The following SLC25A48 variants were observed in gnomAD, a reference collection of about 807,000 sequenced individuals.
SLC25A48 encodes the protein solute carrier family 25 member 48.
A neutral mutation model predicts 32.2 loss-of-function variants in SLC25A48; 29 were observed. The ratio of observed to expected loss-of-function variants is 0.90; its 90% CI spans 0.67 to 1.23. The LOEUF (loss-of-function observed/expected upper bound fraction) is 1.23. Among genes scored for constraint, SLC25A48 ranks in the 50% most tolerant of loss-of-function variants. The pLI is 0.00. For synonymous variants in SLC25A48, 164 were observed against 172.3 expected (o/e 0.95, Z 0.38); for missense variants, 399 against 422.7 (o/e 0.94, Z 0.49).
chr5:135,791,114 G>A (rs1287542215), intron 3 of SLC25A48, among the ~76,000 whole-genome samples: 1 of 151,808 alleles, frequency 6.6e-6, no homozygotes, highest in Non-Finnish European at 1.5e-5. Flanking sequence ...TACAGCCTGT[G>A]TGTACAACCT....
chr5:135,742,943 A>T (rs1755532647), intron 3 of SLC25A48, among the ~76,000 whole-genome samples: 1 of 37,944 alleles, frequency 2.6e-5, no homozygotes, highest in African/African-American at 1.1e-4. Context: ...GACATTTAGA[A>T]ATGTCTGGAG....
intron 3 of SLC25A48, among the ~76,000 whole-genome samples, chr5:135,773,354 T>A (rs1756464684): frequency 6.6e-6 from 1 of 151,406 alleles, no homozygotes; most frequent in Admixed American, 6.6e-5. Flanking sequence ...TTGGATATTA[T>A]GAACAATATC....
intron 3 of SLC25A48, among the ~76,000 whole-genome samples, chr5:135,729,302 C>G (rs1755171102): frequency 1.3e-5 from 2 of 151,770 alleles, no homozygotes; most frequent in South Asian, 4.2e-4. Flanking sequence ...TGAATATGTT[C>G]AAGGGATTTA....
At chr5:135,772,126 A>G (rs766660644) in intron 3 of SLC25A48, among the ~76,000 whole-genome samples, 1 of 151,386 alleles carries the variant, frequency 6.6e-6, no homozygotes, top group Non-Finnish European at 1.5e-5. Flanking sequence ...AAAAAATAAT[A>G]TTACTCCCAG....
chr5:135,664,755 T>C (rs1299369415), intron 3 of SLC25A48, among the ~76,000 whole-genome samples: 1 of 152,212 alleles, frequency 6.6e-6, no homozygotes, highest in African/African-American at 2.4e-5. Context: ...GCAAAAGACA[T>C]TATTTTTTTT....
intron 3 of SLC25A48, among the ~76,000 whole-genome samples, chr5:135,792,454 C>T (rs963329658): frequency 6.6e-6 from 1 of 151,498 alleles, no homozygotes; most frequent in African/African-American, 2.4e-5. Context: ...TGTACAATCC[C>T]GGTTATATTA....
At chr5:135,820,585 T>TA (rs1178495700) in intron 4 of SLC25A48, among the ~76,000 whole-genome samples, 1 of 152,052 alleles carries the variant, frequency 6.6e-6, no homozygotes, top group Non-Finnish European at 1.5e-5. Context: ...GAGATCAAAA[T>TA]AATATGGTAT....
Position 135,675,336 on chromosome 5 carries a change from T to A in SLC25A48, c.-521+40380T>A, listed in dbSNP as rs990624493. Among the ~76,000 whole-genome samples, 3 of 152,178 alleles carry A rather than the reference T, an allele frequency of 2.0e-5. No individual in the cohort carries two copies. In the East Asian group the frequency reaches 5.8e-4, roughly 29 times the overall value. On this transcript the variant is annotated intron_variant, in intron 3 of 10. Transcript: ENST00000646290. ...GATTGTTTGCTGTGCAGAAGCTTTT[T>A]AGTTTACTATAGTCCCATTTATCTG...
rs967876907 is a variant in SLC25A48, at chr5:135,583,536, G to T, written c.-849+3939G>T. On this transcript the variant is annotated intron_variant, in intron 1 of 10. Coordinates refer to the SLC25A48 transcript ENST00000646290. Reference sequence around the variant, plus strand: ...GACAGGAATCCTAGAATTCAGCACTGGTAGAGGCTGAGGCCACAACTGGCC... The same window carrying T: ...GACAGGAATCCTAGAATTCAGCACTTGTAGAGGCTGAGGCCACAACTGGCC... 2.0e-5 allele frequency among the ~76,000 whole-genome samples: 3 copies of T among 151,860 alleles called. No homozygotes were observed. The South Asian group carries it at 6.3e-4, about 32-fold the overall frequency.
intron 4 of SLC25A48, among the ~76,000 whole-genome samples, chr5:135,816,336 A>G (rs1757717915): frequency 6.6e-6 from 1 of 152,240 alleles, no homozygotes; most frequent in Non-Finnish European, 1.5e-5. Context: ...TTAATTTGCT[A>G]CTAAAATAAA....
chr5:135,611,242 A>G (rs11242257), intron 1 of SLC25A48, among the ~76,000 whole-genome samples: 75,158 of 151,886 alleles, frequency 0.49, 19,088 homozygotes, highest in African/African-American at 0.62. Context: ...GGGTGCGGTG[A>G]CTTGTGCCTG....
At chr5:135,854,104 G>T (rs919465118) in intron 4 of SLC25A48, among the ~76,000 whole-genome samples, 2 of 152,288 alleles carry the variant, frequency 1.3e-5, no homozygotes, top group Admixed American at 6.5e-5. Flanking sequence ...AAATACTCAG[G>T]AAACCATGCT....
intron 2 of SLC25A48, among the ~76,000 whole-genome samples, chr5:135,844,176 C>T (rs912274440): frequency 6.6e-6 from 1 of 152,224 alleles, no homozygotes; most frequent in Non-Finnish European, 1.5e-5. Flanking sequence ...GCCTCTGACT[C>T]TCTCCTGTTC....
intron 1 of SLC25A48, among the ~76,000 whole-genome samples, chr5:135,623,005 C>T (rs558785173): frequency 1.6e-4 from 24 of 152,272 alleles, no homozygotes; most frequent in African/African-American, 5.5e-4. Context: ...CTCAGAGCAG[C>T]TGAAACCCCT....
At chr5:135,849,428 G>T (rs1381630001) in intron 2 of SLC25A48, among the ~76,000 whole-genome samples, 1 of 152,174 alleles carries the variant, frequency 6.6e-6, no homozygotes, top group African/African-American at 2.4e-5. Context: ...TAAGACTAGG[G>T]CAGGGGTACT....
chr5:135,843,617 C>T (rs1187915495), intron 2 of SLC25A48, among the ~76,000 whole-genome samples: 1 of 152,178 alleles, frequency 6.6e-6, no homozygotes, highest in African/African-American at 2.4e-5. Flanking sequence ...TCAGGGATGG[C>T]CTCTCTGCCA....
intron 3 of SLC25A48, among the ~76,000 whole-genome samples, chr5:135,778,175 G>A (rs991708567): frequency 6.6e-6 from 1 of 151,610 alleles, no homozygotes; most frequent in African/African-American, 2.4e-5. Flanking sequence ...ATTAAGGGGG[G>A]GAGAGGATAA....
intron 3 of SLC25A48, among the ~76,000 whole-genome samples, chr5:135,792,189 C>T (rs1465813071): frequency 6.6e-6 from 1 of 151,774 alleles, no homozygotes; most frequent in Non-Finnish European, 1.5e-5. Context: ...TATGTGTGTA[C>T]ACCGCTGCGT....
At chr5:135,788,725 C>T (rs951046372) in intron 3 of SLC25A48, among the ~76,000 whole-genome samples, 2 of 146,984 alleles carry the variant, frequency 1.4e-5, no homozygotes, top group African/African-American at 2.5e-5. Flanking sequence ...CCCCATGTGG[C>T]GGGAGGTGTA....
Sources: gnomAD v4.1 joint callset for allele counts (sites outside exome capture counted in the v4.1 genomes callset) on GRCh38, gnomAD v4.1.1 for gene constraint, MANE v1.5 for transcripts, NCBI Gene and HGNC (gene_info 2026-07-23, HGNC 2026-07-21) for gene names.